The following B3GNT5 variants were observed in gnomAD, a reference collection of about 807,000 sequenced individuals.
B3GNT5 encodes the protein lactosylceramide 1,3-N-acetyl-beta-D-glucosaminyltransferase.
B3GNT5 carries 11 observed loss-of-function variants against 25.9 expected under a neutral mutation model. That is an observed-to-expected ratio of 0.42 (90% CI 0.27 to 0.70). B3GNT5 has a LOEUF of 0.70. Ranked by LOEUF, B3GNT5 falls within the 30% of genes least tolerant of loss-of-function variation. B3GNT5 has a pLI of 0.23. For synonymous variants in B3GNT5, 166 were observed against 158.6 expected (o/e 1.05, Z -0.35); for missense variants, 385 against 458.4 (o/e 0.84, Z 1.46).
At chr3:183,258,891 A>G (rs999123354) in intron 1 of B3GNT5, among the ~76,000 whole-genome samples, 1 of 152,182 alleles carries the variant, frequency 6.6e-6, no homozygotes, top group Non-Finnish European at 1.5e-5. Context: ...CACCTGGCCC[A>G]TGTACTTTAA....
At chr3:183,257,318 C>T (rs1725135192) in intron 1 of B3GNT5, among the ~76,000 whole-genome samples, 1 of 152,142 alleles carries the variant, frequency 6.6e-6, no homozygotes, top group South Asian at 2.1e-4. Flanking sequence ...CTCTCTTTCA[C>T]CACCATCAGG....
At position 183,262,384 on chromosome 3, in the gene B3GNT5, A is replaced by G. The variant is rs112843666; in HGVS notation, c.-301-7114A>G. 1.5e-3 allele frequency among the ~76,000 whole-genome samples: 226 copies of G among 152,208 alleles called. 2 individuals are homozygous for G. The highest frequency in any genetic ancestry group is 5.3e-3 in the African/African-American group (219 of 41,520). ...GGAGTCAGGTGAGGCAGGGCTGTAT[A>G]AGTGCAGGGTTGGAGCCTGTCTTGG... On this transcript the variant is annotated intron_variant, in intron 1 of 1. Coordinates refer to ENST00000326505, the MANE Select transcript of B3GNT5 (RefSeq NM_032047.5).
Position 183,272,075 on chromosome 3 carries a change from C to T in B3GNT5, c.*1140C>T, listed in dbSNP as rs182010322. ...AACTGTCAGAGGTGATCTTTATTTT[C>T]TAAATATTTCAAACTTGAAAACAGA... is the stretch of plus-strand genomic sequence containing the variant. On this transcript the variant is annotated 3_prime_UTR_variant, in exon 2 of 2. Coordinates refer to ENST00000326505, the MANE Select transcript of B3GNT5 (RefSeq NM_032047.5). 2.3e-4 allele frequency: 187 copies of T among 821,214 alleles called. 1 individual carries two copies. Among genetic ancestry groups the T allele is most frequent in the Non-Finnish European group, 2.5e-4 (166 of 666,730 alleles). 50.9% of individuals were successfully genotyped at this position (821,214 alleles called of 1,614,324 possible).
chr3:183,255,234 G>A (rs1284287648), intron 1 of B3GNT5, among the ~76,000 whole-genome samples: 1 of 152,212 alleles, frequency 6.6e-6, no homozygotes, highest in African/African-American at 2.4e-5. Context: ...GTTGTATTAA[G>A]TGGTGGCACC....
intron 1 of B3GNT5, among the ~76,000 whole-genome samples, chr3:183,259,725 C>T (rs1376898774): frequency 1.3e-5 from 2 of 152,064 alleles, no homozygotes; most frequent in South Asian, 2.1e-4. Flanking sequence ...CACCCTCCTG[C>T]GACTTTGGAT....
At chr3:183,253,907 GC>G (rs1724755073) in intron 1 of B3GNT5, 1 of 152,220 alleles carries the variant, frequency 6.6e-6, no homozygotes, top group Admixed American at 6.5e-5. Context: ...GGGAGTGTTG[GC>G]TTCCTTTCCG....
At chr3:183,255,585 C>T (rs1401937557) in intron 1 of B3GNT5, among the ~76,000 whole-genome samples, 1 of 152,076 alleles carries the variant, frequency 6.6e-6, no homozygotes, top group African/African-American at 2.4e-5. Context: ...CAGGAAAGGC[C>T]CAAGCCAAAG....
chr3:183,267,630 G>A lies in B3GNT5; in HGVS notation c.-301-1868G>A, dbSNP rs998082349. ...ACACGGCTCTCTCCCCGTCAGTCCT[G>A]TCCAAAGCCCAGGAAACTAATGTAC... On this transcript the variant is annotated intron_variant, in intron 1 of 1. Coordinates refer to ENST00000326505, the MANE Select transcript of B3GNT5 (RefSeq NM_032047.5). This position sits in a 1 kb window ranked among gnomAD's most constrained non-coding sequence, Gnocchi z 5.5. Among the ~76,000 whole-genome samples, 2 of 152,220 alleles carry A rather than the reference G, an allele frequency of 1.3e-5. No individual in the cohort carries two copies. The highest frequency in any genetic ancestry group is 2.9e-5 in the Non-Finnish European group (2 of 68,044).
chr3:183,268,628 C>T (rs1344787373), intron 1 of B3GNT5, among the ~76,000 whole-genome samples: 5 of 152,280 alleles, frequency 3.3e-5, no homozygotes, highest in East Asian at 1.9e-4. Context: ...AGAAATGACA[C>T]TTGAGTACCC....
intron 1 of B3GNT5, among the ~76,000 whole-genome samples, chr3:183,260,409 C>T (rs944284677): frequency 1.3e-5 from 2 of 152,124 alleles, no homozygotes; most frequent in Non-Finnish European, 2.9e-5. Flanking sequence ...CGTGTCAGCC[C>T]AAACAAGTGT....
chr3:183,272,681 T>C lies in B3GNT5; in HGVS notation c.*1746T>C, dbSNP rs932807585. 3.0e-6 allele frequency: 3 copies of C among 1,006,446 alleles called. No homozygotes were observed. In the South Asian group the frequency reaches 1.4e-4, roughly 47 times the overall value. The allele number at this position is 1,006,446 out of a possible 1,614,324, so 62.3% of individuals were successfully genotyped here. A position where few individuals can be genotyped will look rare whatever the true frequency, so the allele number is the denominator to read the frequency against. ...ATTACAGTTTAAGTTTTCTGACCAATTAAAAAAACATAGAGAACAAAAGCA... is the reference window on the plus strand; with the variant it reads ...ATTACAGTTTAAGTTTTCTGACCAACTAAAAAAACATAGAGAACAAAAGCA... On this transcript the variant is annotated 3_prime_UTR_variant, in exon 2 of 2. Transcript: ENST00000326505.
rs1382347318 is a variant in B3GNT5 at position 183,270,376 on chromosome 3, A to C, written c.578A>C (p.Asp193Ala). 9 of 1,614,232 alleles carry C rather than the reference A, an allele frequency of 5.6e-6. No individual in the cohort carries two copies. The highest frequency in any genetic ancestry group is 7.6e-6 in the Non-Finnish European group (9 of 1,180,032). ...CPHAKFLMTADDDIFIHMPNL... is the reference protein window; with the variant it reads ...CPHAKFLMTAADDIFIHMPNL... ...CATGCCAAATTTCTTATGACTGCTG[A>C]TGATGACATATTTATTCACATGCCA... is the stretch of plus-strand genomic sequence containing the variant. Residue 193 changes from aspartate (D) to alanine (A), a missense_variant, in exon 2 of 2, where the codon GAT becomes GCT. Coordinates refer to ENST00000326505, the MANE Select transcript of B3GNT5 (RefSeq NM_032047.5). This position sits in a 1 kb window ranked among gnomAD's most constrained non-coding sequence, Gnocchi z 4.5.
chr3:183,259,580 T>C (rs2108412581), intron 1 of B3GNT5, among the ~76,000 whole-genome samples: 1 of 152,316 alleles, frequency 6.6e-6, no homozygotes, highest in South Asian at 2.1e-4. Context: ...CATTAGAGAA[T>C]GGCAGCTTTT....
rs1398159024 is a variant in B3GNT5, at chr3:183,267,599, C to T, written c.-301-1899C>T. ...TTGCCCTGGGGCTTGCTATGTGGCT[C>T]AGCCTACACGGCTCTCTCCCCGTCA... is the stretch of plus-strand genomic sequence containing the variant. On this transcript the variant is annotated intron_variant, in intron 1 of 1. Coordinates refer to ENST00000326505, the MANE Select transcript of B3GNT5 (RefSeq NM_032047.5). This position sits in a 1 kb window ranked among gnomAD's most constrained non-coding sequence, Gnocchi z 5.5. Among the ~76,000 whole-genome samples the T allele has an allele frequency of 6.6e-6, 1 of 151,984 alleles. No individual in the cohort carries two copies. The highest frequency in any genetic ancestry group is 1.9e-4 in the East Asian group (1 of 5,142).
At chr3:183,263,198 G>C (rs1725781357) in intron 1 of B3GNT5, among the ~76,000 whole-genome samples, 1 of 152,088 alleles carries the variant, frequency 6.6e-6, no homozygotes, top group Admixed American at 6.5e-5. Context: ...TGAGTGTTGG[G>C]AGATCACATG....
intron 1 of B3GNT5, among the ~76,000 whole-genome samples, chr3:183,256,385 G>A (rs1725046636): frequency 6.6e-6 from 1 of 152,118 alleles, no homozygotes; most frequent in South Asian, 2.1e-4. Flanking sequence ...CATATATATA[G>A]GGGATGTAAG....
Position 183,270,653 on chromosome 3 carries a change from C to A in B3GNT5, c.855C>A (p.Phe285Leu). ...LNSSLYIDDV[F>L]MGLCANKIGI... ...CAAGTCTTTACATAGACGATGTGTT[C>A]ATGGGCCTCTGTGCCAATAAAATAG... Residue 285 changes from phenylalanine to leucine, a missense_variant, in exon 2 of 2, where the codon TTC becomes TTA. Transcript: ENST00000326505. The surrounding 1 kb of genome is among the most constrained non-coding windows in gnomAD (Gnocchi z 4.5). 6.2e-7 allele frequency: 1 copy of A among 1,614,136 alleles called. No homozygotes were observed. The highest frequency in any genetic ancestry group is 2.2e-5 in the East Asian group (1 of 44,890).
At chr3:183,261,796 T>C (rs1725609119) in intron 1 of B3GNT5, among the ~76,000 whole-genome samples, 1 of 151,880 alleles carries the variant, frequency 6.6e-6, no homozygotes, top group Admixed American at 6.6e-5. Context: ...TGCCTTCTTA[T>C]ATAGAATTTC....
intron 1 of B3GNT5, among the ~76,000 whole-genome samples, chr3:183,263,443 G>C (rs1048759692): frequency 7.9e-5 from 12 of 152,056 alleles, no homozygotes; most frequent in Non-Finnish European, 1.3e-4. Flanking sequence ...TCCAAGACCA[G>C]GGCCTTGTTT....
Sources: allele counts gnomAD v4.1 joint callset (sites outside exome capture counted in the v4.1 genomes callset), GRCh38; gene constraint gnomAD v4.1.1; non-coding constraint Gnocchi (gnomAD v3.1); transcripts MANE v1.5; gene names NCBI Gene and HGNC (gene_info 2026-07-23, HGNC 2026-07-21).